Variants in RAPGEF4 observed in about 807,000 individuals in gnomAD.
The protein encoded by RAPGEF4 is Rap guanine nucleotide exchange factor 4, also known as RAP guanine-nucleotide-exchange factor (GEF) 4.
A neutral mutation model predicts 147.9 loss-of-function variants in RAPGEF4; 66 were observed. The ratio of observed to expected loss-of-function variants is 0.45; its 90% CI spans 0.37 to 0.55. The LOEUF (loss-of-function observed/expected upper bound fraction) is 0.55. Among genes scored for constraint, RAPGEF4 ranks in the 20% least tolerant of loss-of-function variants. The pLI is 0.00. For missense variants in RAPGEF4, 1,071 were observed against 1,257.3 expected, an observed-to-expected ratio of 0.85 and a Z score of 2.24; for synonymous variants, 419 against 442.7, an observed-to-expected ratio of 0.95 and a Z score of 0.67.
intron 4 of RAPGEF4, among the ~76,000 whole-genome samples, chr2:172,890,910 A>T (rs995008049): frequency 3.9e-5 from 6 of 152,184 alleles, no homozygotes; most frequent in Non-Finnish European, 7.3e-5. Flanking sequence ...TGGGCAGATC[A>T]CTTGAGGCCA....
intron 6 of RAPGEF4, 130 bp from the exon 7 acceptor site, chr2:172,960,630 A>C (rs1231401630): frequency 2.3e-5 from 15 of 654,006 alleles, no homozygotes; most frequent in Admixed American, 7.0e-5. Context: ...GGCAGAATTT[A>C]TCTCTTATTT....
chr2:172,802,934 A>T (rs955431452), intron 3 of RAPGEF4, among the ~76,000 whole-genome samples: 1 of 152,112 alleles, frequency 6.6e-6, no homozygotes, highest in African/African-American at 2.4e-5. Flanking sequence ...ATCTCCTTTG[A>T]CTCTATGTCT....
chr2:172,781,643 G>A (rs1233640216), intron 1 of RAPGEF4, among the ~76,000 whole-genome samples: 1 of 152,156 alleles, frequency 6.6e-6, no homozygotes, highest in Non-Finnish European at 1.5e-5. Flanking sequence ...ACCCATGGGA[G>A]GATTTGTTCC....
At chr2:172,995,874 A>T (rs1013076415) in intron 15 of RAPGEF4, among the ~76,000 whole-genome samples, 1 of 152,174 alleles carries the variant, frequency 6.6e-6, no homozygotes, top group East Asian at 1.9e-4. Context: ...CTGCTGATTT[A>T]TTTCCCATTC....
At chr2:173,023,382 T>C (rs1696306248) in intron 23 of RAPGEF4, among the ~76,000 whole-genome samples, 1 of 152,204 alleles carries the variant, frequency 6.6e-6, no homozygotes, top group African/African-American at 2.4e-5. Context: ...CGATGCAGGC[T>C]CCACATAAGC....
intron 6 of RAPGEF4, among the ~76,000 whole-genome samples, chr2:172,939,839 A>G (rs922240732): frequency 2.6e-5 from 4 of 151,124 alleles, no homozygotes; most frequent in African/African-American, 9.7e-5. Context: ...TTTTTTTAGC[A>G]TATGGGCCAT....
intron 23 of RAPGEF4, among the ~76,000 whole-genome samples, chr2:173,022,042 T>TG (rs1046947470): frequency 6.6e-6 from 1 of 152,168 alleles, no homozygotes; most frequent in African/African-American, 2.4e-5. Flanking sequence ...ACTGAAGGAT[T>TG]GGGGAAAAAA....
Position 172,779,329 on chromosome 2 carries a change from G to A in RAPGEF4, c.66-15696G>A, listed in dbSNP as rs115323321. Among the ~76,000 whole-genome samples, 1,128 of 152,298 alleles carry A rather than the reference G, an allele frequency of 7.4e-3. 14 individuals carry two copies. Among genetic ancestry groups the A allele is most frequent in the African/African-American group, 0.026 (1,081 of 41,570 alleles). On this transcript the variant is annotated intron_variant, in intron 1 of 30. Coordinates refer to ENST00000397081, the MANE Select transcript of RAPGEF4 (RefSeq NM_007023.4). Reference sequence around the variant, plus strand: ...TTGAGAGGACTGTGGTTTTAAATGGGACAGGAGGGTAGACTTCATTAGGAA... The same window carrying A: ...TTGAGAGGACTGTGGTTTTAAATGGAACAGGAGGGTAGACTTCATTAGGAA...
intron 10 of RAPGEF4, among the ~76,000 whole-genome samples, chr2:172,973,518 C>G (rs1051570477): frequency 1.2e-4 from 18 of 152,170 alleles, no homozygotes; most frequent in African/African-American, 3.9e-4. Flanking sequence ...CAGAAAGATG[C>G]TGGGAAAGTT....
intron 6 of RAPGEF4, among the ~76,000 whole-genome samples, chr2:172,934,807 A>G (rs1686378700): frequency 6.6e-6 from 1 of 152,082 alleles, no homozygotes; most frequent in Non-Finnish European, 1.5e-5. Context: ...TCACAAGGCT[A>G]CAGAATTATT....
intron 1 of RAPGEF4, among the ~76,000 whole-genome samples, chr2:172,770,231 C>T (rs1314210493): frequency 6.6e-6 from 1 of 152,162 alleles, no homozygotes; most frequent in Non-Finnish European, 1.5e-5. Context: ...TTGAAGTGGA[C>T]CCCGATTATC....
intron 1 of RAPGEF4, among the ~76,000 whole-genome samples, chr2:172,781,753 C>A (rs1684704510): frequency 6.6e-6 from 1 of 152,202 alleles, no homozygotes; most frequent in African/African-American, 2.4e-5. Flanking sequence ...CACACACACA[C>A]AACCTAATAC....
chr2:172,846,450 T>G (rs1298636049), intron 4 of RAPGEF4, among the ~76,000 whole-genome samples: 1 of 152,214 alleles, frequency 6.6e-6, no homozygotes, highest in Non-Finnish European at 1.5e-5. Flanking sequence ...AGTATTTCAT[T>G]GACTGGATAT....
chr2:172,977,152 A>T (rs552089864), intron 10 of RAPGEF4, among the ~76,000 whole-genome samples: 5 of 152,186 alleles, frequency 3.3e-5, no homozygotes. Context: ...ATGAAGGTGC[A>T]TGGGAGTTCT....
At chr2:172,978,492 G>A (rs147145532) in intron 10 of RAPGEF4, among the ~76,000 whole-genome samples, 126 of 152,288 alleles carry the variant, frequency 8.3e-4, no homozygotes, top group East Asian at 2.1e-3. Context: ...CTCCTGGGGC[G>A]TCTGTCTTAG....
intron 11 of RAPGEF4, among the ~76,000 whole-genome samples, chr2:172,984,233 ATAAGT>A (rs1324179822): frequency 2.0e-5 from 3 of 152,184 alleles, no homozygotes; most frequent in East Asian, 1.9e-4. Context: ...CTACACACTA[ATAAGT>A]TAAGAAGAAT....
At chr2:172,785,559 C>G (rs958583474) in intron 1 of RAPGEF4, among the ~76,000 whole-genome samples, 1 of 151,944 alleles carries the variant, frequency 6.6e-6, no homozygotes, top group Non-Finnish European at 1.5e-5. Flanking sequence ...TCAAACTGAA[C>G]CTTAAAGTCA....
intron 1 of RAPGEF4, 102 bp downstream of exon 1, chr2:172,736,150 G>A: frequency 3.3e-6 from 3 of 913,202 alleles, no homozygotes; most frequent in Non-Finnish European, 4.3e-6. Context: ...GCCGGGCTGC[G>A]GGTGGCCGGG....
chr2:172,777,494 C>T (rs1684285422), intron 1 of RAPGEF4, among the ~76,000 whole-genome samples: 1 of 152,138 alleles, frequency 6.6e-6, no homozygotes, highest in Non-Finnish European at 1.5e-5. Context: ...GGAATGTCCA[C>T]TCAGATCACA....
Sources: allele counts gnomAD v4.1 joint callset (sites outside exome capture counted in the v4.1 genomes callset), GRCh38; gene constraint gnomAD v4.1.1; transcripts MANE v1.5; gene names NCBI Gene and HGNC (gene_info 2026-07-23, HGNC 2026-07-21).